Variants in GDPD1 observed in about 807,000 individuals in gnomAD.
The protein encoded by GDPD1 is glycerophosphodiester phosphodiesterase domain containing 1, also known as lysophospholipase D GDPD1.
GDPD1 carries 28 observed loss-of-function variants against 45.1 expected under a neutral mutation model. The observed-to-expected ratio is 0.62, with a 90% CI of 0.46 to 0.85. The LOEUF is 0.85. GDPD1 is among the 40% of genes least tolerant of loss of function. GDPD1 has a pLI of 0.00. For missense variants in GDPD1, 256 were observed against 364.8 expected, an observed-to-expected ratio of 0.70 and a Z score of 2.43; for synonymous variants, 139 against 131.4, an observed-to-expected ratio of 1.06 and a Z score of -0.40.
At chr17:59,255,878 C>CACTTATATATATATAT in intron 4 of GDPD1, among the ~76,000 whole-genome samples, 1 of 125,484 alleles carries the variant, frequency 8.0e-6, no homozygotes, top group African/African-American at 3.6e-5. Flanking sequence ...TATATATACA[C>CACTTATATATATATAT]ACACACACAC....
intron 2 of GDPD1, among the ~76,000 whole-genome samples, chr17:59,242,526 T>C (rs952215385): frequency 1.3e-5 from 2 of 152,254 alleles, no homozygotes; most frequent in African/African-American, 4.8e-5. Flanking sequence ...ACTCCTGTTA[T>C]GATTTGGCCT....
intron 5 of GDPD1, 114 bp from the exon 6 acceptor site, chr17:59,257,637 A>C: frequency 1.5e-6 from 1 of 669,072 alleles, no homozygotes; most frequent in Non-Finnish European, 2.6e-6. Flanking sequence ...TGATTCTTCC[A>C]AAAGTTATGC....
rs908521330 is a variant in GDPD1, at chr17:59,239,078, G to A, written c.185+4544G>A. Among the ~76,000 whole-genome samples, 3 of 152,314 alleles carry A rather than the reference G, an allele frequency of 2.0e-5. No homozygotes were observed. The East Asian group carries it at 5.8e-4, about 29-fold the overall frequency. On this transcript the variant is annotated intron_variant, in intron 2 of 9. Coordinates refer to ENST00000284116, the MANE Select transcript of GDPD1 (RefSeq NM_182569.4). ...CTATAGTATTAGCCGGAATGGTAAG[G>A]AGAAAGAAGCAAATTGTATTAGCAA...
Position 59,273,721 on chromosome 17 carries a change from T to A in GDPD1, c.893T>A (p.Met298Lys), listed in dbSNP as rs1296789581. Residue 298 changes from methionine (M) to lysine (K), a missense_variant, in exon 10 of 10, where the codon ATG (methionine) becomes AAG (lysine). Transcript: ENST00000284116. Reference sequence around the variant, plus strand: ...TTTGATTTGGGAGCAACTGGGGTGATGACAGACTATCCAACAAAGCTTAGG... The same window carrying A: ...TTTGATTTGGGAGCAACTGGGGTGAAGACAGACTATCCAACAAAGCTTAGG... Reference protein sequence around the residue: ...RAFDLGATGVMTDYPTKLRDF... With the variant: ...RAFDLGATGVKTDYPTKLRDF... 1.3e-6 allele frequency: 2 copies of A among 1,594,958 alleles called. No individual in the cohort carries two copies.
chr17:59,245,040 G>A (rs2047200154), intron 2 of GDPD1, among the ~76,000 whole-genome samples: 1 of 152,052 alleles, frequency 6.6e-6, no homozygotes, highest in Admixed American at 6.6e-5. Context: ...TCCTTGTCTT[G>A]TTATTTAATC....
At chr17:59,255,762 AATATATAT>A (rs1203946108) in intron 4 of GDPD1, among the ~76,000 whole-genome samples, 1 of 44,356 alleles carries the variant, frequency 2.3e-5, no homozygotes, top group Non-Finnish European at 3.5e-5. Context: ...AAAAAAAAAA[AATATATAT>A]ATATATATAT....
At chr17:59,229,781 A>G (rs900244134) in intron 1 of GDPD1, among the ~76,000 whole-genome samples, 11 of 152,190 alleles carry the variant, frequency 7.2e-5, no homozygotes, top group Non-Finnish European at 4.4e-5. Flanking sequence ...CCCAAGGGAA[A>G]AAAGACTCTT....
At chr17:59,230,634 A>T (rs1270646328) in intron 1 of GDPD1, among the ~76,000 whole-genome samples, 1 of 152,052 alleles carries the variant, frequency 6.6e-6, no homozygotes, top group Non-Finnish European at 1.5e-5. Flanking sequence ...CGCCTGCCTC[A>T]GCCTCCCAAA....
chr17:59,248,917 GA>G, intron 4 of GDPD1, 132 bp downstream of exon 4: 2 of 604,382 alleles, frequency 3.3e-6, no homozygotes, highest in Middle Eastern at 2.7e-4. Context: ...CTGAATACTT[GA>G]AAATTATCTG....
At chr17:59,268,726 T>C (rs2047420831) in intron 7 of GDPD1, among the ~76,000 whole-genome samples, 1 of 151,802 alleles carries the variant, frequency 6.6e-6, no homozygotes, top group South Asian at 2.1e-4. Flanking sequence ...TGAACGTTAG[T>C]GTAGCAGTCA....
chr17:59,266,895 G>T, intron 6 of GDPD1, 146 bp from the exon 7 acceptor site: 1 of 671,340 alleles, frequency 1.5e-6, no homozygotes, highest in Non-Finnish European at 2.5e-6. Flanking sequence ...TAAGTGTGGT[G>T]TTATTTGCAA....
intron 1 of GDPD1, among the ~76,000 whole-genome samples, chr17:59,223,345 G>A (rs7210170): frequency 1 from 152,205 of 152,314 alleles, 76,048 homozygotes; most frequent in Non-Finnish European, 1. Context: ...TAAACACTGT[G>A]GTAAGTTCCC....
Position 59,245,497 on chromosome 17 carries a change from A to G in GDPD1, c.269A>G (p.Asn90Ser). ...CAAGTTGTAGTGTCACATGATGAGA[A>G]TCTAAAGAGAGCAACTGGGGTCAAT... is the stretch of plus-strand genomic sequence containing the variant. ...DEQVVVSHDE[N>S]LKRATGVNVN... The change falls in exon 3 of 10, where the codon AAT becomes AGT. Residue 90 changes from asparagine (N) to serine (S), a missense_variant. By Grantham distance (46) the Asn-to-Ser change is conservative (BLOSUM62 1). Coordinates refer to ENST00000284116, the MANE Select transcript of GDPD1 (RefSeq NM_182569.4). 2 of 1,611,052 alleles carry G rather than the reference A, an allele frequency of 1.2e-6. No homozygotes were observed. Among genetic ancestry groups the G allele is most frequent in the East Asian group, 2.2e-5 (1 of 44,784 alleles).
rs2035931066 is a variant in GDPD1, at chr17:59,274,592, AC to A, written c.*820del. On this transcript the variant is annotated 3_prime_UTR_variant, in exon 10 of 10. Coordinates refer to ENST00000284116, the MANE Select transcript of GDPD1 (RefSeq NM_182569.4). ...CAGGAGATCGAGACCATCCTGGCTA[AC>A]ATGGTGAAACCCCGTCTCTACTAAA... 1 of 149,714 alleles carries A rather than the reference AC, an allele frequency of 6.7e-6. No individual in the cohort carries two copies. The highest frequency in any genetic ancestry group is 1.5e-5 in the Non-Finnish European group (1 of 67,698). 9.3% of individuals were successfully genotyped at this position (149,714 alleles called of 1,614,324 possible).
chr17:59,270,849 T>C, intron 7 of GDPD1, 87 bp from the exon 8 acceptor site: 1 of 837,802 alleles, frequency 1.2e-6, no homozygotes, highest in South Asian at 1.6e-5. Flanking sequence ...TACAAGGCAC[T>C]GTTTTCATTT....
intron 8 of GDPD1, among the ~76,000 whole-genome samples, chr17:59,271,566 T>C (rs1438125722): frequency 6.6e-6 from 1 of 152,044 alleles, no homozygotes; most frequent in Non-Finnish European, 1.5e-5. Flanking sequence ...ATTTTAATAG[T>C]CCCAAATCAC....
At chr17:59,234,438 CTT>C (rs2047116110) in intron 1 of GDPD1, 52 bp from the exon 2 acceptor site, 9 of 954,584 alleles carry the variant, frequency 9.4e-6, no homozygotes, top group Non-Finnish European at 1.5e-5. Context: ...TTAAAATTAA[CTT>C]CAGGAAAATT....
At chr17:59,265,227 A>AT (rs200132449) in intron 6 of GDPD1, among the ~76,000 whole-genome samples, 6,412 of 151,570 alleles carry the variant, frequency 0.042, 175 homozygotes, top group Non-Finnish European at 0.06. Flanking sequence ...TGTAAGCATA[A>AT]TTTTTTTTTC....
intron 2 of GDPD1, among the ~76,000 whole-genome samples, chr17:59,234,848 A>G (rs1267339106): frequency 6.6e-6 from 1 of 152,178 alleles, no homozygotes; most frequent in Non-Finnish European, 1.5e-5. Context: ...AGAGAAAGAG[A>G]AAATGAAACA....
Sources: allele counts gnomAD v4.1 joint callset (sites outside exome capture counted in the v4.1 genomes callset), GRCh38; gene constraint gnomAD v4.1.1; transcripts MANE v1.5; gene names NCBI Gene and HGNC (gene_info 2026-07-23, HGNC 2026-07-21).